SIRPA: variants seen among roughly 807,000 people sequenced by gnomAD.
SIRPA encodes tyrosine-protein phosphatase non-receptor type substrate 1.
In SIRPA, 9 loss-of-function variants were observed where a neutral mutation model predicts 50.3. The observed-to-expected ratio is 0.18, with a 90% CI of 0.11 to 0.31. The LOEUF (loss-of-function observed/expected upper bound fraction) is 0.31. Ranked by LOEUF, SIRPA falls within the 10% of genes least tolerant of loss-of-function variation. The pLI, the probability that SIRPA is intolerant of heterozygous loss-of-function variation, is 1.00. For missense variants in SIRPA, 474 were observed against 661.6 expected (o/e 0.72, Z 3.11); for synonymous variants, 265 against 284.1 (o/e 0.93, Z 0.68).
chr20:1,914,822 G>GTA (rs200142591), intron 1 of SIRPA, among the ~76,000 whole-genome samples: 1 of 151,648 alleles, frequency 6.6e-6, no homozygotes, highest in East Asian at 1.9e-4. Context: ...ATTAGAATTA[G>GTA]CCCAGCTCAG....
Position 1,924,716 on chromosome 20 carries a change from C to T in SIRPA, c.1088-48C>T, listed in dbSNP as rs76814783. On this transcript the variant is annotated intron_variant, in intron 4 of 7. Coordinates refer to ENST00000358771, the MANE Select transcript of SIRPA (RefSeq NM_001040023.2). The surrounding 1 kb of genome is among the most constrained non-coding windows in gnomAD (Gnocchi z 4.5). The stretch of plus-strand genomic sequence containing the variant: ...GAAAAGCAGTGGTGGGTTTGGTTTT[C>T]TGTTTTTAATCTGCATACGTGAAGC... 2 of 1,529,116 alleles carry T rather than the reference C, an allele frequency of 1.3e-6. No homozygotes were observed. The highest frequency in any genetic ancestry group is 1.8e-6 in the Non-Finnish European group (2 of 1,104,698). 94.7% of individuals were successfully genotyped at this position (1,529,116 alleles called of 1,614,324 possible). A position where few individuals can be genotyped will look rare whatever the true frequency, so the allele number is the denominator to read the frequency against.
Position 1,940,037 on chromosome 20 carries a change from C to T in SIRPA, c.*2469C>T, listed in dbSNP as rs188510061. On this transcript the variant is annotated 3_prime_UTR_variant, in exon 8 of 8. Transcript: ENST00000358771. The stretch of plus-strand genomic sequence containing the variant: ...CAACCTACAGCATTTGAGCCCCTCA[C>T]GTAGGTTTTAGAGACGTACAATTTT... 3 of 152,208 alleles carry T rather than the reference C, an allele frequency of 2.0e-5. No individual in the cohort carries two copies. Among genetic ancestry groups the T allele is most frequent in the Non-Finnish European group, 4.4e-5 (3 of 68,048 alleles). 9.4% of individuals were successfully genotyped at this position (152,208 alleles called of 1,614,324 possible).
At position 1,927,989 on chromosome 20, in the gene SIRPA, G is replaced by A. The variant is rs1423412043; in HGVS notation, c.1226+90G>A. On this transcript the variant is annotated intron_variant, in intron 6 of 7. Transcript: ENST00000358771. This position sits in a 1 kb window ranked among gnomAD's most constrained non-coding sequence, Gnocchi z 6.5. ...CTACAAAGCATAATCCATGTCCACT[G>A]ACCTCACCAATGTGTTGGTCAACAT... The A allele has an allele frequency of 4.6e-6, 5 of 1,078,232 alleles. No individual in the cohort carries two copies. The highest frequency in any genetic ancestry group is 7.2e-6 in the Non-Finnish European group (5 of 691,402). 66.8% of individuals were successfully genotyped at this position (1,078,232 alleles called of 1,614,324 possible). A position where few individuals can be genotyped will look rare whatever the true frequency, so the allele number is the denominator to read the frequency against.
In SIRPA at chr20:1,928,104, GT is replaced by G. The variant is rs1390228187; in HGVS notation, c.1226+206del. Among the ~76,000 whole-genome samples the G allele has an allele frequency of 6.6e-6, 1 of 152,114 alleles. No homozygotes were observed. Among genetic ancestry groups the G allele is most frequent in the Non-Finnish European group, 1.5e-5 (1 of 68,024 alleles). Reference sequence around the variant, plus strand: ...TGAGGGGTTTTTTTGGTGCACAGAGGTGCTAATTTCTTGCCTGCTCTTCCCA... The same window carrying G: ...TGAGGGGTTTTTTTGGTGCACAGAGGGCTAATTTCTTGCCTGCTCTTCCCA... On this transcript the variant is annotated intron_variant, in intron 6 of 7. Transcript: ENST00000358771. The surrounding 1 kb of genome is among the most constrained non-coding windows in gnomAD (Gnocchi z 4.9).
chr20:1,915,592 TA>T, intron 2 of SIRPA, 137 bp downstream of exon 2: 2 of 1,109,664 alleles, frequency 1.8e-6, no homozygotes, highest in Non-Finnish European at 2.6e-6. Context: ...CTTTTACAAA[TA>T]AGGGAAGTTG....
At position 1,898,773 on chromosome 20, in the gene SIRPA, A is replaced by G. The variant is rs892819431; in HGVS notation, c.79+3247A>G. On this transcript the variant is annotated intron_variant, in intron 1 of 7. Transcript: ENST00000358771. This position sits in a 1 kb window ranked among gnomAD's most constrained non-coding sequence, Gnocchi z 4.3. The stretch of plus-strand genomic sequence containing the variant: ...TTCTTTCTCTGGGCAGAAGGTTTTG[A>G]TGAAGTCACAGGCATTTCTCTGAAA... Among the ~76,000 whole-genome samples, 4 of 151,972 alleles carry G rather than the reference A, an allele frequency of 2.6e-5. No individual in the cohort carries two copies. Among genetic ancestry groups the G allele is most frequent in the Non-Finnish European group, 5.9e-5 (4 of 68,008 alleles).
intron 1 of SIRPA, among the ~76,000 whole-genome samples, chr20:1,895,907 C>G (rs1186349352): frequency 2.6e-5 from 4 of 152,200 alleles, no homozygotes; most frequent in Admixed American, 1.3e-4. Context: ...CATGGACATA[C>G]GACTTTCCAC....
chr20:1,930,558 G>T (rs1019721394), intron 6 of SIRPA, among the ~76,000 whole-genome samples: 1 of 152,128 alleles, frequency 6.6e-6, no homozygotes, highest in Non-Finnish European at 1.5e-5. Flanking sequence ...CATCTAGGAG[G>T]ATCTCTCTTT....
intron 1 of SIRPA, among the ~76,000 whole-genome samples, chr20:1,899,866 G>A (rs974977857): frequency 3.9e-5 from 6 of 152,222 alleles, no homozygotes; most frequent in African/African-American, 1.2e-4. Flanking sequence ...TAATTAATGC[G>A]TGTATAATGC....
chr20:1,916,197 C>A (rs1376132960), intron 2 of SIRPA, among the ~76,000 whole-genome samples: 1 of 152,186 alleles, frequency 6.6e-6, no homozygotes, highest in Admixed American at 6.5e-5. Flanking sequence ...TTGGGTTCCT[C>A]CGTTAAGGCA....
At position 1,934,706 on chromosome 20, in the gene SIRPA, C is replaced by G; in HGVS notation, c.1227-9C>G. ...GGTATTTTTATCTGTGTGTCTCTTT[C>G]CTTTTTAGGTTGCATGAGCCCGAGA... On this transcript the variant is annotated splice_polypyrimidine_tract_variant and intron_variant, in intron 6 of 7. Coordinates refer to ENST00000358771, the MANE Select transcript of SIRPA (RefSeq NM_001040023.2). This position sits in a 1 kb window ranked among gnomAD's most constrained non-coding sequence, Gnocchi z 4.6. 4 of 1,613,968 alleles carry G rather than the reference C, an allele frequency of 2.5e-6. No individual in the cohort carries two copies. The highest frequency in any genetic ancestry group is 3.4e-6 in the Non-Finnish European group (4 of 1,179,922).
chr20:1,896,549 A>T (rs890056795), intron 1 of SIRPA, among the ~76,000 whole-genome samples: 1 of 152,146 alleles, frequency 6.6e-6, no homozygotes, highest in African/African-American at 2.4e-5. Flanking sequence ...TGTTGTAGGC[A>T]GTGGGGTCTC....
chr20:1,938,875 G>A lies in SIRPA; in HGVS notation c.*1307G>A, dbSNP rs962728320. ...CACTTTAGGAACACACAGAGGGTAG[G>A]GATAGTGGCCCTGGCCGTCTATCCT... On this transcript the variant is annotated 3_prime_UTR_variant, in exon 8 of 8. Transcript: ENST00000358771. The A allele has an allele frequency of 6.5e-6, 1 of 152,674 alleles. No individual in the cohort carries two copies. The highest frequency in any genetic ancestry group is 1.5e-5 in the Non-Finnish European group (1 of 68,062). 9.5% of individuals were successfully genotyped at this position (152,674 alleles called of 1,614,324 possible). A position where few individuals can be genotyped will look rare whatever the true frequency, so the allele number is the denominator to read the frequency against.
Position 1,927,924 on chromosome 20 carries a change from C to A in SIRPA, c.1226+25C>A. 6.2e-7 allele frequency: 1 copy of A among 1,606,976 alleles called. No homozygotes were observed. Among genetic ancestry groups the A allele is most frequent in the Non-Finnish European group, 8.5e-7 (1 of 1,173,448 alleles). On this transcript the variant is annotated intron_variant, in intron 6 of 7. Coordinates refer to ENST00000358771, the MANE Select transcript of SIRPA (RefSeq NM_001040023.2). This position sits in a 1 kb window ranked among gnomAD's most constrained non-coding sequence, Gnocchi z 6.5. ...GGTAAGTGCATCATTGGTCCAGACC[C>A]TCTTGCAGTTATTATTTGGTTATTT...
chr20:1,922,015 TTTTC>T lies in SIRPA; in HGVS notation c.755-294_755-291del, dbSNP rs1354469654. Among the ~76,000 whole-genome samples, 4 of 152,306 alleles carry T rather than the reference TTTTC, an allele frequency of 2.6e-5. No homozygotes were observed. The South Asian group carries it at 6.2e-4, about 24-fold the overall frequency. On this transcript the variant is annotated intron_variant, in intron 3 of 7. Coordinates refer to ENST00000358771, the MANE Select transcript of SIRPA (RefSeq NM_001040023.2). ...AACTAAGCCTCTATGTGCTTGGTGATTTTCTTTATTTTGCTACAGTTACAACATT... is the reference window on the plus strand; with the variant it reads ...AACTAAGCCTCTATGTGCTTGGTGATTTTATTTTGCTACAGTTACAACATT...
chr20:1,921,800 C>T, intron 3 of SIRPA, 88 bp downstream of exon 3: 1 of 1,487,260 alleles, frequency 6.7e-7, no homozygotes, highest in Non-Finnish European at 9.3e-7. Flanking sequence ...TACTCTTGCT[C>T]CAGGGCTTGA....
chr20:1,895,497 T>G lies in SIRPA; in HGVS notation c.50T>G (p.Leu17Arg). Residue 17 changes from leucine (L) to arginine (R), a missense_variant, in exon 1 of 8, where the codon CTG becomes CGG. Physicochemically the swap from Leu to Arg is moderately radical, Grantham distance 102 (BLOSUM62 -2). This residue lies in a region of SIRPA where 72 missense variants were observed against 76.2 expected (regional missense o/e 0.94). Transcript: ENST00000358771. The stretch of plus-strand genomic sequence containing the variant: ...GGCCGCCTCGGGCCGCTGCTCTGCC[T>G]GCTGCTCGCCGCGTCCTGCGCCTGG... The part of the protein sequence containing the change: ...APGRLGPLLC[L>R]LLAASCAWSG... 6.8e-7 allele frequency: 1 copy of G among 1,460,902 alleles called. No homozygotes were observed. The highest frequency in any genetic ancestry group is 9.0e-7 in the Non-Finnish European group (1 of 1,109,796). The allele number at this position is 1,460,902 out of a possible 1,614,324, so 90.5% of individuals were successfully genotyped here. A position where few individuals can be genotyped will look rare whatever the true frequency, so the allele number is the denominator to read the frequency against.
intron 3 of SIRPA, 85 bp downstream of exon 3, chr20:1,921,797 G>T (rs1307561683): frequency 5.4e-6 from 8 of 1,483,030 alleles, no homozygotes; most frequent in African/African-American, 1.6e-5. Flanking sequence ...CTCTACTCTT[G>T]CTCCAGGGCT....
intron 1 of SIRPA, among the ~76,000 whole-genome samples, chr20:1,896,613 C>T (rs1321663050): frequency 3.3e-5 from 5 of 151,998 alleles, no homozygotes; most frequent in Non-Finnish European, 7.4e-5. Flanking sequence ...GTGTCCAACA[C>T]CCCCTTTTGC....
Sources: allele counts gnomAD v4.1 joint callset (sites outside exome capture counted in the v4.1 genomes callset), GRCh38; gene constraint gnomAD v4.1.1; regional missense constraint gnomAD v4.1.1; non-coding constraint Gnocchi (gnomAD v3.1); transcripts MANE v1.5; gene names NCBI Gene and HGNC (gene_info 2026-07-23, HGNC 2026-07-21).